NEDD1: variants seen among roughly 807,000 people sequenced by gnomAD.
The protein encoded by NEDD1 is NEDD1 gamma-tubulin ring complex targeting factor, also known as protein NEDD1.
NEDD1 carries 33 observed loss-of-function variants against 74.0 expected under a neutral mutation model. The observed-to-expected ratio is 0.45, with a 90% CI of 0.34 to 0.60. The LOEUF (loss-of-function observed/expected upper bound fraction) is 0.60, where lower values mean the gene tolerates loss of function less well. Ranked by LOEUF, NEDD1 falls within the 20% of genes least tolerant of loss-of-function variation. The pLI is 0.01. For synonymous variants in NEDD1, 250 were observed against 264.4 expected, an observed-to-expected ratio of 0.95 and a Z score of 0.53; for missense variants, 746 against 776.5, an observed-to-expected ratio of 0.96 and a Z score of 0.47.
chr12:96,924,184 G>A (rs1875437378), intron 6 of NEDD1, among the ~76,000 whole-genome samples: 1 of 152,156 alleles, frequency 6.6e-6, no homozygotes, highest in South Asian at 2.1e-4. Flanking sequence ...AACTGTATAT[G>A]TTAGTTGTAG....
At chr12:96,926,196 T>C (rs1875670992) in intron 6 of NEDD1, among the ~76,000 whole-genome samples, 1 of 152,208 alleles carries the variant, frequency 6.6e-6, no homozygotes. Context: ...TGAGCATCTT[T>C]AGATTTAATG....
intron 10 of NEDD1, among the ~76,000 whole-genome samples, chr12:96,941,050 T>C (rs1013008626): frequency 1.3e-5 from 2 of 152,108 alleles, no homozygotes; most frequent in Non-Finnish European, 2.9e-5. Context: ...TGTGTCTTTT[T>C]GGTACTAACA....
chr12:96,930,981 T>C (rs564053996), intron 6 of NEDD1, among the ~76,000 whole-genome samples: 36 of 152,220 alleles, frequency 2.4e-4, no homozygotes, highest in Admixed American at 2.0e-3. Flanking sequence ...TTGAAGATGT[T>C]AGTTACTGCA....
Position 96,909,900 on chromosome 12 carries a change from C to G in NEDD1, c.136+5C>G. ...CAATATGTTGGAGCAGCAATAGTAT[C>G]CTTTAAAAAAAAAAAACACACACAC... On this transcript the variant is annotated splice_donor_5th_base_variant and intron_variant, in intron 3 of 15. Transcript: ENST00000266742. The G allele has an allele frequency of 6.4e-7, 1 of 1,569,506 alleles. No individual in the cohort carries two copies. Among genetic ancestry groups the G allele is most frequent in the Non-Finnish European group, 8.6e-7 (1 of 1,161,364 alleles).
At position 96,909,870 on chromosome 12, in the gene NEDD1, C is replaced by A; in HGVS notation, c.111C>A (p.Ile37=). The change falls in exon 3 of 16, where the codon ATC becomes ATA. Residue 37 remains isoleucine, a synonymous_variant. Transcript: ENST00000266742. The part of the protein sequence containing the change: ...KFNPHTSPHG[I]SSICWSSNNN... ...ACCCACACACATCACCACATGGAAT[C>A]AGCTCAATATGTTGGAGCAGCAATA... The A allele has an allele frequency of 6.2e-7, 1 of 1,612,542 alleles. No individual in the cohort carries two copies. The highest frequency in any genetic ancestry group is 8.5e-7 in the Non-Finnish European group (1 of 1,179,576).
chr12:96,932,126 T>G (rs1202840732), intron 6 of NEDD1, among the ~76,000 whole-genome samples: 1 of 151,740 alleles, frequency 6.6e-6, no homozygotes, highest in Non-Finnish European at 1.5e-5. Flanking sequence ...TCCACAAACA[T>G]GCAACATTCT....
At chr12:96,913,531 G>A (rs1171747272) in intron 4 of NEDD1, among the ~76,000 whole-genome samples, 1 of 151,838 alleles carries the variant, frequency 6.6e-6, no homozygotes, top group African/African-American at 2.4e-5. Flanking sequence ...CCACCACCAC[G>A]CCTGGCTAAT....
chr12:96,945,283 A>G (rs900934996), intron 13 of NEDD1, among the ~76,000 whole-genome samples: 1 of 152,056 alleles, frequency 6.6e-6, no homozygotes, highest in African/African-American at 2.4e-5. Context: ...TTTTCTGTGG[A>G]TATATATTGC....
chr12:96,943,725 A>G lies in NEDD1; in HGVS notation c.1460A>G (p.Tyr487Cys), dbSNP rs1311905537. 1 of 1,612,204 alleles carries G rather than the reference A, an allele frequency of 6.2e-7. No individual in the cohort carries two copies. The highest frequency in any genetic ancestry group is 1.1e-5 in the South Asian group (1 of 91,022). Residue 487 changes from tyrosine to cysteine, a missense_variant, in exon 12 of 16, where the codon TAT (tyrosine) becomes TGT (cysteine). This residue lies in a region of NEDD1 where 706 missense variants were observed against 706.7 expected (regional missense o/e 1.00). Transcript: ENST00000266742. The part of the protein sequence containing the change: ...RDLTAESKKI[Y>C]MGKQESKDSF... Reference sequence around the variant, plus strand: ...CTAACAGCTGAGTCTAAGAAAATATATATGGGAAAACAGGAATCTAAAGAC... The same window carrying G: ...CTAACAGCTGAGTCTAAGAAAATATGTATGGGAAAACAGGAATCTAAAGAC...
chr12:96,912,654 C>A, intron 3 of NEDD1, 69 bp from the exon 4 acceptor site: 1 of 757,634 alleles, frequency 1.3e-6, no homozygotes, highest in Non-Finnish European at 2.3e-6. Flanking sequence ...TTTATAATCG[C>A]AATTCTTATA....
At chr12:96,910,511 G>A (rs532507817) in intron 3 of NEDD1, among the ~76,000 whole-genome samples, 31 of 152,242 alleles carry the variant, frequency 2.0e-4, no homozygotes, top group African/African-American at 7.0e-4. Context: ...GTCTTGGTGA[G>A]CTCCTCAATG....
intron 6 of NEDD1, among the ~76,000 whole-genome samples, chr12:96,934,118 G>T (rs1404889549): frequency 6.6e-6 from 1 of 151,964 alleles, no homozygotes; most frequent in African/African-American, 2.4e-5. Flanking sequence ...TATGCTTCAG[G>T]TGTTGAATTG....
chr12:96,946,799 G>A (rs753583914), intron 14 of NEDD1, among the ~76,000 whole-genome samples: 3 of 152,110 alleles, frequency 2.0e-5, no homozygotes, highest in Non-Finnish European at 2.9e-5. Flanking sequence ...TTGTTTGTTC[G>A]TGTAATAGCA....
At chr12:96,935,609 T>C (rs1877008394) in intron 7 of NEDD1, among the ~76,000 whole-genome samples, 1 of 152,140 alleles carries the variant, frequency 6.6e-6, no homozygotes, top group African/African-American at 2.4e-5. Context: ...CTGGGTATTG[T>C]AGGATATTCA....
intron 14 of NEDD1, among the ~76,000 whole-genome samples, chr12:96,946,953 G>C (rs1483225132): frequency 6.6e-6 from 1 of 152,122 alleles, no homozygotes; most frequent in Non-Finnish European, 1.5e-5. Context: ...TGGGCATTTT[G>C]CTCTTGCCTC....
At chr12:96,916,116 T>C (rs1307854036) in intron 4 of NEDD1, among the ~76,000 whole-genome samples, 1 of 151,810 alleles carries the variant, frequency 6.6e-6, no homozygotes, top group Non-Finnish European at 1.5e-5. Flanking sequence ...GGCTGGAGAA[T>C]TAGTGGATGA....
At position 96,916,718 on chromosome 12, in the gene NEDD1, G is replaced by A. The variant is rs573691036; in HGVS notation, c.232-903G>A. ...GTGAGTAATGCCGCAATAAACATAC[G>A]TGTGCATGTGTCTTTATAGCAGCAT... On this transcript the variant is annotated intron_variant, in intron 4 of 15. Transcript: ENST00000266742. Among the ~76,000 whole-genome samples, 240 of 151,798 alleles carry A rather than the reference G, an allele frequency of 1.6e-3. 1 individual carries two copies. The highest frequency in any genetic ancestry group is 5.6e-3 in the African/African-American group (232 of 41,318).
intron 12 of NEDD1, among the ~76,000 whole-genome samples, chr12:96,944,155 G>A (rs1877955483): frequency 6.6e-6 from 1 of 151,866 alleles, no homozygotes; most frequent in South Asian, 2.1e-4. Flanking sequence ...ATATAATACA[G>A]AATTTAATTT....
chr12:96,944,651 G>C lies in NEDD1; in HGVS notation c.1510G>C (p.Val504Leu). Reference protein sequence around the residue: ...KDSFKQLAKLVTSGAESGNLN... With the variant: ...KDSFKQLAKLLTSGAESGNLN... Reference sequence around the variant, plus strand: ...TTTAAATATAAAGTTAGCAAAGTTGGTCACATCTGGTGCTGAAAGTGGAAA... The same window carrying C: ...TTTAAATATAAAGTTAGCAAAGTTGCTCACATCTGGTGCTGAAAGTGGAAA... Residue 504 changes from valine to leucine, a missense_variant, in exon 13 of 16, where the codon GTC (valine) becomes CTC (leucine). By Grantham distance (32) the Val-to-Leu change is conservative. Around this residue, in one of 3 missense-constraint regions of NEDD1, gnomAD observed 706 missense variants for 706.7 expected, o/e 1.00. Transcript: ENST00000266742. The C allele has an allele frequency of 6.3e-7, 1 of 1,589,034 alleles. No homozygotes were observed. The highest frequency in any genetic ancestry group is 8.6e-7 in the Non-Finnish European group (1 of 1,164,248).
Sources: allele counts gnomAD v4.1 joint callset (sites outside exome capture counted in the v4.1 genomes callset), GRCh38; gene constraint gnomAD v4.1.1; regional missense constraint gnomAD v4.1.1; transcripts MANE v1.5; gene names NCBI Gene and HGNC (gene_info 2026-07-23, HGNC 2026-07-21).